Variants in CHN2 observed in about 807,000 individuals in gnomAD.
CHN2 encodes beta-chimaerin.
CHN2 carries 35 observed loss-of-function variants against 56.3 expected under a neutral mutation model. The ratio of observed to expected loss-of-function variants is 0.62; its 90% CI spans 0.47 to 0.82. The LOEUF (loss-of-function observed/expected upper bound fraction) is 0.82, where lower values mean the gene tolerates loss of function less well. Ranked by LOEUF, CHN2 falls within the 40% of genes least tolerant of loss-of-function variation. The pLI is 0.00. For synonymous variants in CHN2, 210 were observed against 212.8 expected (o/e 0.99, Z 0.12); for missense variants, 491 against 580.5 (o/e 0.85, Z 1.58).
chr7:29,162,024 C>G lies in CHN2; in HGVS notation c.274+15064C>G, dbSNP rs1242259165. Reference sequence around the variant, plus strand: ...CTAAAATAAAAAATACTAATAATACCAAACACTGGCATGGATGCAGGGAAA... The same window carrying G: ...CTAAAATAAAAAATACTAATAATACGAAACACTGGCATGGATGCAGGGAAA... On this transcript the variant is annotated intron_variant, in intron 2 of 6. Transcript: ENST00000439384. Among the ~76,000 whole-genome samples the G allele has an allele frequency of 2.6e-5, 4 of 152,088 alleles. No homozygotes were observed. The South Asian group carries it at 8.3e-4, about 32-fold the overall frequency.
chr7:29,421,151 A>G (rs894430127), intron 6 of CHN2, among the ~76,000 whole-genome samples: 15 of 152,148 alleles, frequency 9.9e-5, no homozygotes, highest in Non-Finnish European at 2.1e-4. Context: ...AGAGAAGCAG[A>G]TAGTACCAAC....
intron 7 of CHN2, among the ~76,000 whole-genome samples, chr7:29,489,832 G>A (rs1396468658): frequency 6.6e-6 from 1 of 152,126 alleles, no homozygotes; most frequent in South Asian, 2.1e-4. Flanking sequence ...GTGATAATAA[G>A]CATTAAAATG....
At chr7:29,174,387 C>T (rs531293581) in intron 2 of CHN2, among the ~76,000 whole-genome samples, 14 of 152,222 alleles carry the variant, frequency 9.2e-5, no homozygotes, top group Admixed American at 9.2e-4. Context: ...TAAAGCTTTT[C>T]GAGGCCTGGA....
At chr7:29,218,997 G>A (rs1272248089) in intron 1 of CHN2, among the ~76,000 whole-genome samples, 1 of 151,924 alleles carries the variant, frequency 6.6e-6, no homozygotes, top group East Asian at 1.9e-4. Flanking sequence ...AAAAAGTTAG[G>A]TTCTAATACA....
At chr7:29,230,649 C>T (rs915978318) in intron 1 of CHN2, among the ~76,000 whole-genome samples, 6 of 152,168 alleles carry the variant, frequency 3.9e-5, no homozygotes, top group Non-Finnish European at 5.9e-5. Context: ...CCTCCTCTTT[C>T]TTAAAAATAA....
At chr7:29,273,494 T>C (rs1437708196) in intron 1 of CHN2, among the ~76,000 whole-genome samples, 4 of 150,848 alleles carry the variant, frequency 2.7e-5, no homozygotes, top group Non-Finnish European at 5.9e-5. Flanking sequence ...GGAGTGCAGC[T>C]ATCTTTTTGA....
intron 6 of CHN2, among the ~76,000 whole-genome samples, chr7:29,421,521 A>G (rs116974956): frequency 6.6e-6 from 1 of 152,326 alleles, no homozygotes; most frequent in East Asian, 1.9e-4. Context: ...ACATAAGAGA[A>G]GTGACTATTG....
chr7:29,273,076 T>C (rs1416596339), intron 1 of CHN2, among the ~76,000 whole-genome samples: 3 of 152,002 alleles, frequency 2.0e-5, no homozygotes, highest in Admixed American at 6.6e-5. Context: ...ATATTTGCTG[T>C]TTTGTATCCT....
chr7:29,450,629 C>A (rs1784340921), intron 6 of CHN2, among the ~76,000 whole-genome samples: 1 of 152,188 alleles, frequency 6.6e-6, no homozygotes, highest in South Asian at 2.1e-4. Context: ...CCCAAAAATT[C>A]TTTTCACACC....
intron 7 of CHN2, among the ~76,000 whole-genome samples, chr7:29,481,162 A>G (rs939314330): frequency 1.3e-5 from 2 of 152,198 alleles, no homozygotes; most frequent in African/African-American, 4.8e-5. Flanking sequence ...GAGGAGAGAC[A>G]GGTTAGAGTT....
intron 2 of CHN2, among the ~76,000 whole-genome samples, chr7:29,188,537 T>A (rs1451544332): frequency 2.0e-5 from 3 of 152,070 alleles, no homozygotes; most frequent in African/African-American, 7.2e-5. Flanking sequence ...TTTTATTTTT[T>A]TTTTAAAAAA....
chr7:29,362,332 G>A (rs149722412), intron 2 of CHN2, among the ~76,000 whole-genome samples: 2 of 152,286 alleles, frequency 1.3e-5, no homozygotes, highest in African/African-American at 4.8e-5. Flanking sequence ...ATTAGTGAGG[G>A]GAATAACAGT....
intron 1 of CHN2, among the ~76,000 whole-genome samples, chr7:29,204,939 A>G (rs774191216): frequency 3.0e-4 from 46 of 152,258 alleles, no homozygotes; most frequent in Non-Finnish European, 1.8e-4. Context: ...CACATGTAAG[A>G]CATGATTTTG....
intron 1 of CHN2, among the ~76,000 whole-genome samples, chr7:29,224,976 G>T (rs1022912885): frequency 2.0e-5 from 3 of 152,138 alleles, no homozygotes; most frequent in African/African-American, 4.8e-5. Flanking sequence ...TTCCATTCAG[G>T]AGAATTTATC....
At chr7:29,398,168 T>G in intron 4 of CHN2, 1 of 393,322 alleles carries the variant, frequency 2.5e-6, no homozygotes, top group Non-Finnish European at 4.5e-6. Flanking sequence ...CATCCTTCCT[T>G]TTGTTTGCCT....
chr7:29,193,399 G>A (rs755346823), upstream of CHN2: 47 of 152,130 alleles, frequency 3.1e-4, no homozygotes, highest in Non-Finnish European at 5.1e-4. Flanking sequence ...TGTCACTCCT[G>A]ATAATTTTTA....
At chr7:29,275,204 T>G (rs1301306330) in intron 1 of CHN2, among the ~76,000 whole-genome samples, 2 of 152,210 alleles carry the variant, frequency 1.3e-5, no homozygotes, top group African/African-American at 4.8e-5. Context: ...CGTATAAGTT[T>G]CTTAAAATAG....
At chr7:29,358,588 G>A (rs926581083) in intron 2 of CHN2, among the ~76,000 whole-genome samples, 11 of 151,648 alleles carry the variant, frequency 7.3e-5, no homozygotes, top group South Asian at 2.1e-4. Context: ...TCAGCCTCCC[G>A]AGTAGCTGGG....
intron 6 of CHN2, among the ~76,000 whole-genome samples, chr7:29,459,926 A>G (rs1785029741): frequency 6.6e-6 from 1 of 152,172 alleles, no homozygotes; most frequent in South Asian, 2.1e-4. Context: ...CATCGAGACA[A>G]TAGAATACAA....
Sources: gnomAD v4.1 joint callset for allele counts (sites outside exome capture counted in the v4.1 genomes callset) on GRCh38, gnomAD v4.1.1 for gene constraint, MANE v1.5 for transcripts, NCBI Gene and HGNC (gene_info 2026-07-23, HGNC 2026-07-21) for gene names.